Variants in PAPPA observed in about 807,000 individuals in gnomAD.
PAPPA encodes pappalysin-1.
Under a neutral mutation model 164.0 loss-of-function variants are expected in PAPPA, and 60 were observed. The ratio of observed to expected loss-of-function variants is 0.37; its 90% CI spans 0.30 to 0.45. The LOEUF is 0.45. Among genes scored for constraint, PAPPA ranks in the 20% least tolerant of loss-of-function variants. PAPPA has a pLI of 1.00. For missense variants in PAPPA, 1,782 were observed against 2,087.3 expected, an observed-to-expected ratio of 0.85 and a Z score of 2.85; for synonymous variants, 875 against 814.1, an observed-to-expected ratio of 1.07 and a Z score of -1.27.
In PAPPA at chr9:116,382,490, A is replaced by G; in HGVS notation, c.4773A>G (p.Lys1591=). The change falls in exon 21 of 22, where the codon AAA becomes AAG. Residue 1591 remains lysine (K), a synonymous_variant. Transcript: ENST00000328252. ...GCTGCACCTCCACAGTGAAGACCAA[A>G]AAGGTAGGCCAGTGTGCACTCCTCG... ...GDCCTSTVKT[K]KVTPFPMSCD... 1 of 1,607,604 alleles carries G rather than the reference A, an allele frequency of 6.2e-7. No homozygotes were observed. Among genetic ancestry groups the G allele is most frequent in the Non-Finnish European group, 8.5e-7 (1 of 1,174,124 alleles).
intron 3 of PAPPA, among the ~76,000 whole-genome samples, chr9:116,211,011 T>C (rs1353594053): frequency 2.0e-5 from 3 of 152,234 alleles, no homozygotes; most frequent in African/African-American, 7.2e-5. Context: ...TCATTAATCA[T>C]AGAACGTTGA....
intron 17 of PAPPA, among the ~76,000 whole-genome samples, chr9:116,356,655 C>T (rs967845034): frequency 5.3e-5 from 8 of 152,236 alleles, no homozygotes; most frequent in Admixed American, 2.6e-4. Flanking sequence ...TGTCAAAGAT[C>T]AGATGGTTGT....
intron 9 of PAPPA, among the ~76,000 whole-genome samples, chr9:116,280,549 A>G (rs1845253777): frequency 6.6e-6 from 1 of 152,218 alleles, no homozygotes; most frequent in Non-Finnish European, 1.5e-5. Flanking sequence ...CAAAGGAGGG[A>G]TGAGGCTGAA....
intron 5 of PAPPA, among the ~76,000 whole-genome samples, chr9:116,226,788 CT>C (rs1485429180): frequency 4.6e-5 from 7 of 152,346 alleles, no homozygotes; most frequent in Admixed American, 3.9e-4. Context: ...ACTTCTGGGA[CT>C]GGTCCCATTG....
intron 15 of PAPPA, among the ~76,000 whole-genome samples, chr9:116,349,152 T>C (rs936406167): frequency 1.1e-4 from 16 of 146,572 alleles, no homozygotes; most frequent in Admixed American, 2.7e-4. Flanking sequence ...AATCCCCCCG[T>C]ACCAGCCCTT....
chr9:116,367,541 T>A, intron 18 of PAPPA, 104 bp from the exon 19 acceptor site: 1 of 785,206 alleles, frequency 1.3e-6, no homozygotes, highest in Admixed American at 2.1e-5. Flanking sequence ...GGTAGCTGAG[T>A]CCACCAGGGA....
chr9:116,383,064 G>A (rs1330433388), intron 21 of PAPPA, among the ~76,000 whole-genome samples: 1 of 152,172 alleles, frequency 6.6e-6, no homozygotes, highest in East Asian at 1.9e-4. Flanking sequence ...GATGGTCATG[G>A]TCATGGTATT....
At chr9:116,185,459 G>A (rs927082644) in intron 1 of PAPPA, among the ~76,000 whole-genome samples, 1 of 152,172 alleles carries the variant, frequency 6.6e-6, no homozygotes, top group African/African-American at 2.4e-5. Context: ...GATTTTGCTG[G>A]AAGCTCTCCT....
At chr9:116,257,565 G>C (rs1213191170) in intron 7 of PAPPA, among the ~76,000 whole-genome samples, 2 of 151,948 alleles carry the variant, frequency 1.3e-5, no homozygotes, top group Non-Finnish European at 2.9e-5. Flanking sequence ...AGTGGGGCAT[G>C]GTGGCGGGCG....
intron 19 of PAPPA, among the ~76,000 whole-genome samples, chr9:116,374,152 G>GTGTTGGTGGTGGTGC (rs1846614891): frequency 3.5e-5 from 1 of 28,332 alleles, no homozygotes; most frequent in Non-Finnish European, 1.3e-4. Context: ...GATGATGGTG[G>GTGTTGGTGGTGGTGC]TAGTGTTGGT....
chr9:116,360,023 T>C (rs997184316), intron 17 of PAPPA, among the ~76,000 whole-genome samples: 40 of 152,348 alleles, frequency 2.6e-4, no homozygotes, highest in African/African-American at 8.2e-4. Context: ...CTTTCATTCA[T>C]GGTGGGGCCT....
intron 2 of PAPPA, among the ~76,000 whole-genome samples, chr9:116,203,178 G>A (rs1157789461): frequency 2.0e-5 from 3 of 152,216 alleles, no homozygotes; most frequent in African/African-American, 7.2e-5. Context: ...CTTTACTTAT[G>A]ATACAAAATT....
In PAPPA at chr9:116,348,596, G is replaced by C. The variant is rs531757200; in HGVS notation, c.3964+1387G>C. On this transcript the variant is annotated intron_variant, in intron 15 of 21. Transcript: ENST00000328252. Reference sequence around the variant, plus strand: ...ATTGTACAGATTATTTTATCACCCAGTTATGAAGCCTGCCTTAATACCCTT... The same window carrying C: ...ATTGTACAGATTATTTTATCACCCACTTATGAAGCCTGCCTTAATACCCTT... Among the ~76,000 whole-genome samples the C allele has an allele frequency of 6.6e-5, 10 of 152,132 alleles. No homozygotes were observed. The South Asian group carries it at 1.7e-3, about 25-fold the overall frequency.
At chr9:116,328,408 T>G (rs1292227223) in intron 10 of PAPPA, among the ~76,000 whole-genome samples, 1 of 152,204 alleles carries the variant, frequency 6.6e-6, no homozygotes, top group African/African-American at 2.4e-5. Context: ...GTTCTACCCT[T>G]AGCCTCCTCA....
chr9:116,199,556 CT>C (rs778220515), intron 2 of PAPPA, among the ~76,000 whole-genome samples: 19 of 152,144 alleles, frequency 1.2e-4, no homozygotes, highest in Non-Finnish European at 2.4e-4. Context: ...AGAAATCTCC[CT>C]GGAAAATGTA....
chr9:116,336,991 T>C (rs1291684983), intron 13 of PAPPA, among the ~76,000 whole-genome samples: 1 of 152,230 alleles, frequency 6.6e-6, no homozygotes, highest in Non-Finnish European at 1.5e-5. Context: ...CAGTATCTTA[T>C]TTTATTATTG....
intron 7 of PAPPA, among the ~76,000 whole-genome samples, chr9:116,254,739 A>G (rs550395995): frequency 4.5e-4 from 67 of 147,672 alleles, no homozygotes; most frequent in Middle Eastern, 3.5e-3. Context: ...CCAAGACTGC[A>G]CCACTGCACT....
intron 18 of PAPPA, among the ~76,000 whole-genome samples, chr9:116,367,313 G>A (rs2118648388): frequency 6.6e-6 from 1 of 152,298 alleles, no homozygotes; most frequent in African/African-American, 2.4e-5. Flanking sequence ...CCAGACCGCA[G>A]GAGGCACTGA....
At chr9:116,383,418 C>T (rs1477575998) in intron 21 of PAPPA, among the ~76,000 whole-genome samples, 1 of 152,186 alleles carries the variant, frequency 6.6e-6, no homozygotes, top group Non-Finnish European at 1.5e-5. Flanking sequence ...GAATCATAGT[C>T]AATCATGCCT....
Sources: gnomAD v4.1 joint callset for allele counts (sites outside exome capture counted in the v4.1 genomes callset) on GRCh38, gnomAD v4.1.1 for gene constraint, MANE v1.5 for transcripts, NCBI Gene and HGNC (gene_info 2026-07-23, HGNC 2026-07-21) for gene names.